Variants in KDM1B observed in about 807,000 individuals in gnomAD.
KDM1B encodes lysine-specific histone demethylase 2.
Under a neutral mutation model 107.4 loss-of-function variants are expected in KDM1B, and 63 were observed. That is an observed-to-expected ratio of 0.59 (90% CI 0.48 to 0.72). The LOEUF is 0.72. Among genes scored for constraint, KDM1B ranks in the 30% least tolerant of loss-of-function variants. The pLI is 0.00. For missense variants in KDM1B, 749 were observed against 1,020.8 expected (o/e 0.73, Z 3.63); for synonymous variants, 363 against 363.9 (o/e 1.00, Z 0.03).
intron 6 of KDM1B, among the ~76,000 whole-genome samples, chr6:18,169,643 G>A (rs553750854): frequency 2.2e-4 from 34 of 152,228 alleles, no homozygotes; most frequent in African/African-American, 5.8e-4. Flanking sequence ...TTTTAATTTT[G>A]AGGAAGTTCA....
At chr6:18,158,581 T>C (rs1036478508) in intron 2 of KDM1B, among the ~76,000 whole-genome samples, 4 of 152,232 alleles carry the variant, frequency 2.6e-5, no homozygotes, top group African/African-American at 9.6e-5. Flanking sequence ...TTTCAAATTC[T>C]TTATCCATAG....
rs372529303 is a variant in KDM1B at position 18,197,695 on chromosome 6, G to A, written c.1221+34G>A. 1 of 1,475,452 alleles carries A rather than the reference G, an allele frequency of 6.8e-7. No homozygotes were observed. Among genetic ancestry groups the A allele is most frequent in the African/African-American group, 1.4e-5 (1 of 71,348 alleles). The allele number at this position is 1,475,452 out of a possible 1,614,324, so 91.4% of individuals were successfully genotyped here. ...TTGGGGACATGGAGTTAGAACAGATGGTTGACTGCTCCTTTTGGTCCAAAT... is the reference window on the plus strand; with the variant it reads ...TTGGGGACATGGAGTTAGAACAGATAGTTGACTGCTCCTTTTGGTCCAAAT... On this transcript the variant is annotated intron_variant, in intron 12 of 21. Coordinates refer to ENST00000650836, the MANE Select transcript of KDM1B (RefSeq NM_001364614.2). The surrounding 1 kb of genome is among the most constrained non-coding windows in gnomAD (Gnocchi z 4.5).
In KDM1B at chr6:18,201,373, G is replaced by T. The variant is rs1788019280; in HGVS notation, c.1360-113G>T. ...GTGAAGCATATTTAGCTTTATTTTT[G>T]AGAGATATGAGACCATTTTCTCCAT... On this transcript the variant is annotated intron_variant, in intron 13 of 21. Coordinates refer to ENST00000650836, the MANE Select transcript of KDM1B (RefSeq NM_001364614.2). This position sits in a 1 kb window ranked among gnomAD's most constrained non-coding sequence, Gnocchi z 4.3. 1 of 721,682 alleles carries T rather than the reference G, an allele frequency of 1.4e-6. No homozygotes were observed. The highest frequency in any genetic ancestry group is 2.7e-5 in the East Asian group (1 of 36,376). The allele number at this position is 721,682 out of a possible 1,614,324, so 44.7% of individuals were successfully genotyped here.
Position 18,212,455 on chromosome 6 carries a change from G to C in KDM1B, c.1867-33G>C, listed in dbSNP as rs769984301. ...AGTGGTAGTGTGAGGTTCTGTTGCT[G>C]TTTGTTTGTTAACTGTTAATTATTT... On this transcript the variant is annotated intron_variant, in intron 17 of 21. Transcript: ENST00000650836. This position sits in a 1 kb window ranked among gnomAD's most constrained non-coding sequence, Gnocchi z 5.2. The C allele has an allele frequency of 3.1e-6, 4 of 1,294,512 alleles. No homozygotes were observed. The highest frequency in any genetic ancestry group is 4.5e-6 in the Non-Finnish European group (4 of 888,526). 80.2% of individuals were successfully genotyped at this position (1,294,512 alleles called of 1,614,324 possible). A position where few individuals can be genotyped will look rare whatever the true frequency, so the allele number is the denominator to read the frequency against.
At chr6:18,157,621 A>G (rs1346328275) in intron 2 of KDM1B, among the ~76,000 whole-genome samples, 4 of 151,770 alleles carry the variant, frequency 2.6e-5, no homozygotes. Context: ...ATATTTACAT[A>G]TATTTGTGGT....
chr6:18,160,686 A>G (rs1784909865), intron 3 of KDM1B, among the ~76,000 whole-genome samples: 1 of 151,834 alleles, frequency 6.6e-6, no homozygotes, highest in Non-Finnish European at 1.5e-5. Flanking sequence ...TGCAGTGAGC[A>G]GAGATGGCGC....
intron 16 of KDM1B, 128 bp from the exon 17 acceptor site, chr6:18,208,004 T>C (rs976140962): frequency 1.4e-6 from 1 of 724,720 alleles, no homozygotes; most frequent in East Asian, 2.5e-5. Flanking sequence ...ATTGTTTAGA[T>C]CTCTGAATGC....
chr6:18,166,400 G>C, intron 6 of KDM1B, 22 bp downstream of exon 6: 1 of 1,371,980 alleles, frequency 7.3e-7, no homozygotes, highest in Non-Finnish European at 1.0e-6. Context: ...GATGCTCTCT[G>C]TCTGTGAAGT....
In KDM1B at chr6:18,209,376, T is replaced by C. The variant is rs1788654028; in HGVS notation, c.1866+1170T>C. Among the ~76,000 whole-genome samples the C allele has an allele frequency of 6.6e-6, 1 of 152,216 alleles. No individual in the cohort carries two copies. Among genetic ancestry groups the C allele is most frequent in the African/African-American group, 2.4e-5 (1 of 41,442 alleles). On this transcript the variant is annotated intron_variant, in intron 17 of 21. Transcript: ENST00000650836. The surrounding 1 kb of genome is among the most constrained non-coding windows in gnomAD (Gnocchi z 4.3). ...CTTCAGGTATCTAAAACTTATTTCA[T>C]AGTCCTTGATTTTCATACAGAAGTA...
intron 17 of KDM1B, among the ~76,000 whole-genome samples, chr6:18,210,357 T>TTG (rs1788760576): frequency 5.6e-5 from 5 of 89,078 alleles, no homozygotes; most frequent in African/African-American, 1.1e-4. Flanking sequence ...TTTTTTTTTT[T>TTG]TTTTTTTTTT....
intron 12 of KDM1B, among the ~76,000 whole-genome samples, chr6:18,199,903 A>G (rs574827858): frequency 9.3e-4 from 142 of 152,240 alleles, no homozygotes; most frequent in Non-Finnish European, 1.7e-3. Flanking sequence ...TTTTGAGACA[A>G]GGTCTCACTC....
At chr6:18,173,860 A>G (rs911057811) in intron 7 of KDM1B, among the ~76,000 whole-genome samples, 1 of 152,082 alleles carries the variant, frequency 6.6e-6, no homozygotes, top group Non-Finnish European at 1.5e-5. Context: ...ATCTCGGCTC[A>G]CTGCAACCTC....
chr6:18,180,235 A>G (rs12214098), intron 7 of KDM1B, among the ~76,000 whole-genome samples: 2,501 of 151,978 alleles, frequency 0.016, 39 homozygotes, highest in Non-Finnish European at 0.024. Flanking sequence ...GGGAGCTGGG[A>G]ACTGAGCAAT....
At chr6:18,215,388 C>A (rs544060853) in intron 20 of KDM1B, among the ~76,000 whole-genome samples, 2 of 152,208 alleles carry the variant, frequency 1.3e-5, no homozygotes, top group African/African-American at 2.4e-5. Context: ...AGCCTGAGAT[C>A]GAGGTGTCGG....
At chr6:18,176,259 C>T (rs543708096) in intron 7 of KDM1B, among the ~76,000 whole-genome samples, 30 of 152,018 alleles carry the variant, frequency 2.0e-4, no homozygotes, top group African/African-American at 2.9e-4. Context: ...TCTGCTTGGT[C>T]GCTGTTGGTG....
At position 18,205,040 on chromosome 6, in the gene KDM1B, T is replaced by A. The variant is rs1788281389; in HGVS notation, c.1532-497T>A. 6.6e-6 allele frequency among the ~76,000 whole-genome samples: 1 copy of A among 152,184 alleles called. No homozygotes were observed. Among genetic ancestry groups the A allele is most frequent in the African/African-American group, 2.4e-5 (1 of 41,434 alleles). ...GGAGTGCTGACAAGATACAAGCCCA[T>A]AATGGAATATTCTTGTTTGGGACAG... On this transcript the variant is annotated intron_variant, in intron 14 of 21. Transcript: ENST00000650836. The surrounding 1 kb of genome is among the most constrained non-coding windows in gnomAD (Gnocchi z 5.7).
intron 3 of KDM1B, among the ~76,000 whole-genome samples, chr6:18,160,611 G>A (rs990690053): frequency 5.9e-5 from 9 of 151,858 alleles, no homozygotes; most frequent in Middle Eastern, 3.2e-3. Flanking sequence ...GGTGGCGGGC[G>A]CCTGTAGTCT....
chr6:18,207,644 A>G (rs1788478402), intron 16 of KDM1B, 115 bp downstream of exon 16: 1 of 1,303,424 alleles, frequency 7.7e-7, no homozygotes, highest in Non-Finnish European at 1.1e-6. Context: ...GCCAGGGTCT[A>G]GAAGTACTTT....
At chr6:18,193,810 T>C (rs771489519) in intron 10 of KDM1B, among the ~76,000 whole-genome samples, 1 of 151,896 alleles carries the variant, frequency 6.6e-6, no homozygotes, top group African/African-American at 2.4e-5. Flanking sequence ...GGTGGCATCA[T>C]TACTCTTGAG....
Sources: allele counts gnomAD v4.1 joint callset (sites outside exome capture counted in the v4.1 genomes callset), GRCh38; gene constraint gnomAD v4.1.1; non-coding constraint Gnocchi (gnomAD v3.1); transcripts MANE v1.5; gene names NCBI Gene and HGNC (gene_info 2026-07-23, HGNC 2026-07-21).